The following MRPS26 variants were observed in gnomAD, a reference collection of about 807,000 sequenced individuals.
MRPS26 encodes mitochondrial ribosomal protein S26, also known as small ribosomal subunit protein mS26.
MRPS26 carries 26 observed loss-of-function variants against 22.7 expected under a neutral mutation model. That is an observed-to-expected ratio of 1.15 (90% CI 0.84 to 1.59). The LOEUF (loss-of-function observed/expected upper bound fraction) is 1.59. MRPS26 is among the 40% of genes most tolerant of loss of function. MRPS26 has a pLI of 0.00. For synonymous variants in MRPS26, 120 were observed against 124.0 expected, an observed-to-expected ratio of 0.97 and a Z score of 0.22; for missense variants, 291 against 287.7, an observed-to-expected ratio of 1.01 and a Z score of -0.08.
rs760563861 is a variant in MRPS26 at position 3,046,350 on chromosome 20, AT to A, written c.213-21del. On this transcript the variant is annotated intron_variant, in intron 1 of 3. Coordinates refer to ENST00000380325, the MANE Select transcript of MRPS26 (RefSeq NM_030811.4). ...GTGGGAGTGGGCGGAGAGGGTGCTGATTCCTGGCGCGTCTGCACCCAGGATG... is the reference window on the plus strand; with the variant it reads ...GTGGGAGTGGGCGGAGAGGGTGCTGATCCTGGCGCGTCTGCACCCAGGATG... The A allele has an allele frequency of 1.1e-3, 1,782 of 1,607,424 alleles. 2 individuals carry two copies. The highest frequency in any genetic ancestry group is 1.5e-3 in the Non-Finnish European group (1,710 of 1,178,046).
Position 3,046,060 on chromosome 20 carries a change from G to C in MRPS26, c.-9G>C, listed in dbSNP as rs2065985638. On this transcript the variant is annotated 5_prime_UTR_variant, in exon 1 of 4. Coordinates refer to ENST00000380325, the MANE Select transcript of MRPS26 (RefSeq NM_030811.4). ...CCCGGCACCGCGGCCGCAGTGAGGA[G>C]ACTCGGCCATGCTACGCGCGCTGAG... The C allele has an allele frequency of 5.4e-6, 8 of 1,483,968 alleles. No homozygotes were observed. The highest frequency in any genetic ancestry group is 7.1e-6 in the Non-Finnish European group (8 of 1,127,288). 91.9% of individuals were successfully genotyped at this position (1,483,968 alleles called of 1,614,324 possible).
chr20:3,047,919 G>GA lies in MRPS26; in HGVS notation c.*52dup. On this transcript the variant is annotated 3_prime_UTR_variant, in exon 4 of 4. Coordinates refer to ENST00000380325, the MANE Select transcript of MRPS26 (RefSeq NM_030811.4). ...CAGGGACCATGTATGTATCATGGCG[G>GA]AAGAGTTGGCCCTGACCTGGAATAA... 6.4e-7 allele frequency: 1 copy of GA among 1,552,354 alleles called. No individual in the cohort carries two copies. Among genetic ancestry groups the GA allele is most frequent in the African/African-American group, 1.4e-5 (1 of 71,810 alleles).
Position 3,046,088 on chromosome 20 carries a change from G to C in MRPS26, c.20G>C (p.Arg7Pro), listed in dbSNP as rs767296392. The C allele has an allele frequency of 1.1e-5, 17 of 1,532,444 alleles. No homozygotes were observed. The African/African-American group carries it at 1.3e-4, about 11-fold the overall frequency. 94.9% of individuals were successfully genotyped at this position (1,532,444 alleles called of 1,614,324 possible). A position where few individuals can be genotyped will look rare whatever the true frequency, so the allele number is the denominator to read the frequency against. The change falls in exon 1 of 4, where the codon CGC (arginine) becomes CCC (proline). Residue 7 changes from arginine to proline, a missense_variant. Transcript: ENST00000380325. MLRALS[R>P]LGAGTPCRPR... The stretch of plus-strand genomic sequence containing the variant: ...TCGGCCATGCTACGCGCGCTGAGCC[G>C]CCTGGGCGCGGGGACCCCGTGCAGG...
At chr20:3,047,411 TA>T (rs1224579053) in intron 3 of MRPS26, among the ~76,000 whole-genome samples, 2 of 136,320 alleles carry the variant, frequency 1.5e-5, no homozygotes, top group African/African-American at 5.3e-5. Flanking sequence ...AATAAATAAA[TA>T]AAGTAATGGG....
chr20:3,046,460 C>A lies in MRPS26; in HGVS notation c.300C>A (p.Ala100=). 6.3e-7 allele frequency: 1 copy of A among 1,590,332 alleles called. No individual in the cohort carries two copies. The highest frequency in any genetic ancestry group is 1.1e-5 in the South Asian group (1 of 88,186). ...LAERKALKDA[A]EHRELMAWNQ... ...AGCGCAAGGCCCTGAAGGACGCCGCCGAGCACCGCGAGCTGATGGCCTGGA... is the reference window on the plus strand; with the variant it reads ...AGCGCAAGGCCCTGAAGGACGCCGCAGAGCACCGCGAGCTGATGGCCTGGA... The change falls in exon 2 of 4, where the codon GCC becomes GCA. Residue 100 remains alanine (A), a synonymous_variant. Transcript: ENST00000380325.
chr20:3,046,463 G>C lies in MRPS26; in HGVS notation c.303G>C (p.Glu101Asp). Residue 101 changes from glutamate (E) to aspartate (D), a missense_variant, in exon 2 of 4, where the codon GAG (glutamate) becomes GAC (aspartate). Physicochemically the swap from Glu to Asp is conservative, Grantham distance 45. Transcript: ENST00000380325. ...GCAAGGCCCTGAAGGACGCCGCCGA[G>C]CACCGCGAGCTGATGGCCTGGAACC... is the stretch of plus-strand genomic sequence containing the variant. ...AERKALKDAA[E>D]HRELMAWNQA... 6.3e-7 allele frequency: 1 copy of C among 1,590,782 alleles called. No individual in the cohort carries two copies. Among genetic ancestry groups the C allele is most frequent in the Admixed American group, 1.8e-5 (1 of 56,154 alleles).
In MRPS26 at chr20:3,046,190, G is replaced by A; in HGVS notation, c.122G>A (p.Arg41Gln). Residue 41 changes from arginine (R) to glutamine (Q), a missense_variant, in exon 1 of 4, where the codon CGA becomes CAA. Coordinates refer to ENST00000380325, the MANE Select transcript of MRPS26 (RefSeq NM_030811.4). ...CCGCTGGCCAAATCCAAGATCGAGC[G>A]AGTGAACATGCCGCCCGCGGTGGAC... ...HDPLAKSKIE[R>Q]VNMPPAVDPA... is the part of the protein sequence containing the mutation. 1.2e-6 allele frequency: 2 copies of A among 1,600,968 alleles called. No individual in the cohort carries two copies. The highest frequency in any genetic ancestry group is 2.2e-5 in the East Asian group (1 of 44,836).
intron 3 of MRPS26, 125 bp from the exon 4 acceptor site, chr20:3,047,609 TC>T: frequency 7.4e-7 from 1 of 1,350,268 alleles, no homozygotes; most frequent in South Asian, 1.3e-5. Flanking sequence ...GGACCTGGGT[TC>T]CAGGCATGCT....
chr20:3,047,526 T>C (rs2065994673), intron 3 of MRPS26, among the ~76,000 whole-genome samples: 1 of 152,068 alleles, frequency 6.6e-6, no homozygotes, highest in Non-Finnish European at 1.5e-5. Context: ...ATGGCTGAAG[T>C]GTCTGAGAAA....
In MRPS26 at chr20:3,047,759, C is replaced by T. The variant is rs1414314665; in HGVS notation, c.508C>T (p.Arg170Ter). 3.1e-6 allele frequency: 5 copies of T among 1,613,576 alleles called. No homozygotes were observed. The highest frequency in any genetic ancestry group is 2.2e-5 in the East Asian group (1 of 44,850). The change falls in exon 4 of 4, where the codon CGA becomes TGA. Residue 170 changes from arginine (R) to a stop codon, truncating the protein, a stop_gained. Transcript: ENST00000380325. LOFTEE classifies it high-confidence loss of function. Reference protein sequence around the residue: ...LQEEVKNFITRENLEARVEAA... With the variant: ...LQEEVKNFIT ...GGAAGAGGTGAAAAACTTCATCACC[C>T]GAGAGAACCTGGAGGCACGGGTGGA... is the stretch of plus-strand genomic sequence containing the variant.
chr20:3,046,858 G>A (rs993296430), intron 3 of MRPS26, 121 bp downstream of exon 3: 3 of 1,441,488 alleles, frequency 2.1e-6, no homozygotes, highest in South Asian at 1.4e-5. Flanking sequence ...TGGCAGGTCC[G>A]GATTTGGAGA....
At chr20:3,047,601 A>G in intron 3 of MRPS26, 134 bp from the exon 4 acceptor site, 2 of 1,250,572 alleles carry the variant, frequency 1.6e-6, no homozygotes, top group Non-Finnish European at 2.2e-6. Context: ...CTCAAATAGG[A>G]CCTGGGTTCC....
chr20:3,046,426 T>G lies in MRPS26; in HGVS notation c.266T>G (p.Val89Gly). ...AAGGTGCACGAGGCCCGAGCCGGGG[T>G]TCTGGCGGAGCGCAAGGCCCTGAAG... ...QRKVHEARAGVLAERKALKDA... is the reference protein window; with the variant it reads ...QRKVHEARAGGLAERKALKDA... Residue 89 changes from valine to glycine, a missense_variant, in exon 2 of 4, where the codon GTT (valine) becomes GGT (glycine). Val to Gly is a moderately radical substitution (Grantham distance 109, BLOSUM62 -3). Transcript: ENST00000380325. The G allele has an allele frequency of 1.2e-6, 2 of 1,605,750 alleles. No individual in the cohort carries two copies. Among genetic ancestry groups the G allele is most frequent in the Non-Finnish European group, 8.5e-7 (1 of 1,177,970 alleles).
Position 3,047,831 on chromosome 20 carries a change from G to C in MRPS26, c.580G>C (p.Glu194Gln). ...RKNYNWAITR[E>Q]GLVVRPQRRD... ...GAACTACAACTGGGCCATCACCAGA[G>C]AGGGGCTGGTGGTCAGGCCACAACG... The change falls in exon 4 of 4, where the codon GAG becomes CAG. Residue 194 changes from glutamate (E) to glutamine (Q), a missense_variant. Transcript: ENST00000380325. 6.2e-7 allele frequency: 1 copy of C among 1,613,556 alleles called. No individual in the cohort carries two copies. Among genetic ancestry groups the C allele is most frequent in the South Asian group, 1.1e-5 (1 of 91,020 alleles).
chr20:3,047,780 G>T lies in MRPS26; in HGVS notation c.529G>T (p.Val177Leu). The part of the protein sequence containing the change: ...FITRENLEAR[V>L]EAALDSRKNY... The stretch of plus-strand genomic sequence containing the variant: ...CACCCGAGAGAACCTGGAGGCACGG[G>T]TGGAAGCAGCATTGGACTCCCGGAA... The change falls in exon 4 of 4, where the codon GTG becomes TTG. Residue 177 changes from valine (V) to leucine (L), a missense_variant. Transcript: ENST00000380325. The T allele has an allele frequency of 6.2e-7, 1 of 1,613,890 alleles. No individual in the cohort carries two copies. The highest frequency in any genetic ancestry group is 8.5e-7 in the Non-Finnish European group (1 of 1,179,916).
chr20:3,047,419 TGGG>T (rs2065994145), intron 3 of MRPS26, among the ~76,000 whole-genome samples: 1 of 151,372 alleles, frequency 6.6e-6, no homozygotes, highest in Non-Finnish European at 1.5e-5. Context: ...AATAAAGTAA[TGGG>T]GGGAAGGATG....
In MRPS26 at chr20:3,046,292, G is replaced by A; in HGVS notation, c.212+12G>A. On this transcript the variant is annotated intron_variant, in intron 1 of 3. Coordinates refer to ENST00000380325, the MANE Select transcript of MRPS26 (RefSeq NM_030811.4). ...GTGCGCGCCCTCAGGTGTGCGGCCG[G>A]GGGGAGGTGGCCGCCCGCGCGCGCT... The A allele has an allele frequency of 6.2e-7, 1 of 1,605,100 alleles. No individual in the cohort carries two copies. Among genetic ancestry groups the A allele is most frequent in the Non-Finnish European group, 8.5e-7 (1 of 1,177,810 alleles).
chr20:3,047,383 T>C (rs1010460100), intron 3 of MRPS26, among the ~76,000 whole-genome samples: 2 of 141,336 alleles, frequency 1.4e-5, no homozygotes, highest in African/African-American at 5.1e-5. Flanking sequence ...TGAGACTCCG[T>C]CTCAAAATAA....
rs908922400 is a variant in MRPS26 at position 3,046,093 on chromosome 20, G to T, written c.25G>T (p.Gly9Cys). The change falls in exon 1 of 4, where the codon GGC (glycine) becomes TGC (cysteine). Residue 9 changes from glycine (G) to cysteine (C), a missense_variant. Gly to Cys is a radical substitution (Grantham distance 159). Transcript: ENST00000380325. MLRALSRL[G>C]AGTPCRPRAP... The stretch of plus-strand genomic sequence containing the variant: ...CATGCTACGCGCGCTGAGCCGCCTG[G>T]GCGCGGGGACCCCGTGCAGGCCCCG... The T allele has an allele frequency of 2.3e-5, 36 of 1,539,370 alleles. No individual in the cohort carries two copies. The highest frequency in any genetic ancestry group is 3.0e-5 in the Non-Finnish European group (34 of 1,151,262).
Sources: allele counts gnomAD v4.1 joint callset (sites outside exome capture counted in the v4.1 genomes callset), GRCh38; gene constraint gnomAD v4.1.1; transcripts MANE v1.5; gene names NCBI Gene and HGNC (gene_info 2026-07-23, HGNC 2026-07-21).